Variants in MYRIP observed in about 807,000 individuals in gnomAD.
MYRIP encodes the protein rab effector MyRIP.
Under a neutral mutation model 98.0 loss-of-function variants are expected in MYRIP, and 49 were observed. The ratio of observed to expected loss-of-function variants is 0.50; its 90% CI spans 0.40 to 0.63. MYRIP has a LOEUF of 0.63. MYRIP is among the 30% of genes least tolerant of loss of function. The pLI, the probability that MYRIP is intolerant of heterozygous loss-of-function variation, is 0.00. For missense variants in MYRIP, 1,004 were observed against 1,058.2 expected, an observed-to-expected ratio of 0.95 and a Z score of 0.71; for synonymous variants, 404 against 409.5, an observed-to-expected ratio of 0.99 and a Z score of 0.16.
intron 2 of MYRIP, among the ~76,000 whole-genome samples, chr3:40,024,031 C>G (rs1385280090): frequency 6.6e-6 from 1 of 152,112 alleles, no homozygotes; most frequent in African/African-American, 2.4e-5. Context: ...AAGAAATGGG[C>G]TACACATAAG....
At chr3:40,215,863 C>A (rs1015824994) in intron 11 of MYRIP, among the ~76,000 whole-genome samples, 1 of 152,194 alleles carries the variant, frequency 6.6e-6, no homozygotes, top group Admixed American at 6.5e-5. Flanking sequence ...TCCCAACTGT[C>A]TATTTAACTG....
At chr3:39,863,540 A>G (rs72868125) in intron 1 of MYRIP, among the ~76,000 whole-genome samples, 159 of 152,326 alleles carry the variant, frequency 1.0e-3, no homozygotes, top group African/African-American at 3.7e-3. Flanking sequence ...ACTTACTTCT[A>G]TGTATACTAT....
rs200877774 is a variant in MYRIP at position 40,151,149 on chromosome 3, A to T, written c.434A>T (p.His145Leu). The change falls in exon 4 of 17, where the codon CAC becomes CTC. Residue 145 changes from histidine to leucine, a missense_variant. Transcript: ENST00000302541. ...AKVLKNLYRK[H>L]RLESGACFDI... ...GTTCTGAAGAACCTGTACAGGAAGC[A>T]CCGGCTGGAGAGTGGCGCGTGCTTC... 7 of 1,610,630 alleles carry T rather than the reference A, an allele frequency of 4.3e-6. No individual in the cohort carries two copies. Among genetic ancestry groups the T allele is most frequent in the Non-Finnish European group, 5.9e-6 (7 of 1,178,222 alleles).
At chr3:40,217,603 T>C (rs546240685) in intron 11 of MYRIP, among the ~76,000 whole-genome samples, 3 of 152,248 alleles carry the variant, frequency 2.0e-5, no homozygotes, top group Admixed American at 6.6e-5. Flanking sequence ...AGTAGGAAGA[T>C]AAAAACTCAA....
chr3:39,886,210 A>G (rs1202399329), intron 1 of MYRIP, among the ~76,000 whole-genome samples: 1 of 151,976 alleles, frequency 6.6e-6, no homozygotes, highest in Non-Finnish European at 1.5e-5. Flanking sequence ...GAAAGGAACA[A>G]CCGGTACCAG....
At chr3:40,060,165 C>T (rs1947977311) in intron 3 of MYRIP, among the ~76,000 whole-genome samples, 1 of 152,262 alleles carries the variant, frequency 6.6e-6, no homozygotes, top group African/African-American at 2.4e-5. Flanking sequence ...AAAAATTTTA[C>T]AAGGTGTCAT....
intron 11 of MYRIP, among the ~76,000 whole-genome samples, chr3:40,223,081 T>G (rs1249919405): frequency 6.6e-6 from 1 of 152,208 alleles, no homozygotes; most frequent in Non-Finnish European, 1.5e-5. Context: ...AGTTAAAACT[T>G]AAAAAGTTAA....
chr3:40,245,895 C>T (rs1447200087), intron 13 of MYRIP, among the ~76,000 whole-genome samples: 9 of 148,958 alleles, frequency 6.0e-5, no homozygotes, highest in South Asian at 2.2e-4. Context: ...TACAAGTGCA[C>T]GCCACCACAC....
chr3:40,099,425 G>A (rs1948897669), intron 3 of MYRIP, among the ~76,000 whole-genome samples: 1 of 152,132 alleles, frequency 6.6e-6, no homozygotes, highest in South Asian at 2.1e-4. Context: ...GGGTGAAGGT[G>A]AGGATGATAG....
intron 3 of MYRIP, among the ~76,000 whole-genome samples, chr3:40,095,300 A>G (rs1948805185): frequency 1.3e-5 from 2 of 152,160 alleles, no homozygotes; most frequent in South Asian, 4.1e-4. Context: ...GGCTATAAAC[A>G]GGTCATGGCA....
At chr3:40,256,599 T>C (rs1953599610) in intron 16 of MYRIP, among the ~76,000 whole-genome samples, 1 of 152,054 alleles carries the variant, frequency 6.6e-6, no homozygotes, top group African/African-American at 2.4e-5. Context: ...GGATGTCAAT[T>C]TTTTATATAT....
At chr3:40,247,563 G>C (rs13314203) in intron 13 of MYRIP, among the ~76,000 whole-genome samples, 1 of 151,986 alleles carries the variant, frequency 6.6e-6, no homozygotes. Context: ...TCACTCTGTC[G>C]CCCAGGCTGG....
intron 2 of MYRIP, among the ~76,000 whole-genome samples, chr3:40,007,438 T>G (rs1395360978): frequency 2.0e-5 from 3 of 152,172 alleles, no homozygotes; most frequent in Non-Finnish European, 4.4e-5. Flanking sequence ...CCAACATACG[T>G]GAATGCTTCT....
intron 2 of MYRIP, among the ~76,000 whole-genome samples, chr3:39,973,652 G>C (rs933673117): frequency 1.3e-5 from 2 of 151,784 alleles, no homozygotes; most frequent in African/African-American, 2.4e-5. Context: ...ATAGTTGGAA[G>C]TAAAGCTCTC....
At chr3:40,082,187 A>G (rs995162114) in intron 3 of MYRIP, among the ~76,000 whole-genome samples, 1 of 152,192 alleles carries the variant, frequency 6.6e-6, no homozygotes, top group African/African-American at 2.4e-5. Context: ...AATTATATGG[A>G]GGTTTCTCAA....
chr3:39,887,045 C>T (rs1488598806), intron 1 of MYRIP, among the ~76,000 whole-genome samples: 1 of 151,870 alleles, frequency 6.6e-6, no homozygotes, highest in Non-Finnish European at 1.5e-5. Flanking sequence ...TCACTCAAAA[C>T]CACTCAACTA....
chr3:39,842,960 C>T (rs1427209228), intron 1 of MYRIP, among the ~76,000 whole-genome samples: 1 of 152,198 alleles, frequency 6.6e-6, no homozygotes, highest in East Asian at 1.9e-4. Flanking sequence ...TGCAACGCAC[C>T]TTTAATTATT....
intron 2 of MYRIP, among the ~76,000 whole-genome samples, chr3:39,932,861 T>G (rs1344757968): frequency 6.6e-6 from 1 of 152,200 alleles, no homozygotes; most frequent in African/African-American, 2.4e-5. Context: ...GAGCCTCACT[T>G]CTCAGAGATG....
At chr3:40,246,958 C>A (rs1170795389) in intron 13 of MYRIP, among the ~76,000 whole-genome samples, 3 of 152,036 alleles carry the variant, frequency 2.0e-5, no homozygotes, top group Non-Finnish European at 2.9e-5. Context: ...GGCTGAACAG[C>A]AATTCTCCTA....
Sources: allele counts gnomAD v4.1 joint callset (sites outside exome capture counted in the v4.1 genomes callset), GRCh38; gene constraint gnomAD v4.1.1; transcripts MANE v1.5; gene names NCBI Gene and HGNC (gene_info 2026-07-23, HGNC 2026-07-21).